The following KIF26B variants were observed in gnomAD, a reference collection of about 807,000 sequenced individuals.
KIF26B encodes kinesin family member 26B.
In KIF26B, 63 loss-of-function variants were observed where a neutral mutation model predicts 151.2. The observed-to-expected ratio is 0.42, with a 90% CI of 0.34 to 0.51. KIF26B has a LOEUF of 0.51. Among genes scored for constraint, KIF26B ranks in the 20% least tolerant of loss-of-function variants. KIF26B has a pLI of 0.07. For synonymous variants in KIF26B, 1,357 were observed against 1,262.1 expected, an observed-to-expected ratio of 1.08 and a Z score of -1.59; for missense variants, 2,813 against 2,913.6, an observed-to-expected ratio of 0.97 and a Z score of 0.79.
intron 3 of KIF26B, among the ~76,000 whole-genome samples, chr1:245,404,049 A>G (rs1199702119): frequency 6.6e-6 from 1 of 152,158 alleles, no homozygotes; most frequent in Non-Finnish European, 1.5e-5. Flanking sequence ...ACACACATGG[A>G]AACACTGCAG....
At chr1:245,450,866 T>G (rs1372159917) in intron 4 of KIF26B, among the ~76,000 whole-genome samples, 1 of 152,146 alleles carries the variant, frequency 6.6e-6, no homozygotes, top group Non-Finnish European at 1.5e-5. Context: ...AGATAGATAT[T>G]TTAAGATGAA....
intron 2 of KIF26B, among the ~76,000 whole-genome samples, chr1:245,257,446 C>T (rs941660116): frequency 6.6e-6 from 1 of 152,138 alleles, no homozygotes; most frequent in Admixed American, 6.5e-5. Flanking sequence ...AGATGATATC[C>T]CCTGCCTCGA....
At chr1:245,428,674 G>A (rs1465797586) in intron 4 of KIF26B, among the ~76,000 whole-genome samples, 1 of 152,156 alleles carries the variant, frequency 6.6e-6, no homozygotes, top group African/African-American at 2.4e-5. Flanking sequence ...ACCAGCGTTT[G>A]CGGCCCCTTC....
At chr1:245,675,497 T>C (rs1453001594) in intron 10 of KIF26B, among the ~76,000 whole-genome samples, 1 of 152,152 alleles carries the variant, frequency 6.6e-6, no homozygotes, top group Non-Finnish European at 1.5e-5. Context: ...GTAGTTTACC[T>C]CCCAGAAGCT....
At chr1:245,199,467 C>T (rs1297194940) in intron 2 of KIF26B, among the ~76,000 whole-genome samples, 2 of 151,434 alleles carry the variant, frequency 1.3e-5, no homozygotes, top group Non-Finnish European at 2.9e-5. Flanking sequence ...CATACCTGTT[C>T]ATATATCCAC....
chr1:245,283,889 T>C (rs10924148), intron 2 of KIF26B, among the ~76,000 whole-genome samples: 90,281 of 152,012 alleles, frequency 0.59, 27,201 homozygotes, highest in East Asian at 0.7. Context: ...GGTTTCACCA[T>C]ATTGGCCAGG....
At chr1:245,288,331 T>C (rs1019005159) in intron 2 of KIF26B, among the ~76,000 whole-genome samples, 18 of 152,056 alleles carry the variant, frequency 1.2e-4, no homozygotes, top group Admixed American at 4.6e-4. Context: ...TTCACACTAA[T>C]CTCCTTAGCA....
chr1:245,215,872 T>C (rs930923078), intron 2 of KIF26B, among the ~76,000 whole-genome samples: 2 of 152,156 alleles, frequency 1.3e-5, no homozygotes, highest in African/African-American at 4.8e-5. Context: ...AGTGGTATAA[T>C]GTTGGCATGA....
At chr1:245,232,223 C>A (rs550452415) in intron 2 of KIF26B, among the ~76,000 whole-genome samples, 42 of 152,218 alleles carry the variant, frequency 2.8e-4, no homozygotes, top group African/African-American at 8.2e-4. Context: ...CAGCTCTAGA[C>A]GCCAAATTTG....
intron 4 of KIF26B, among the ~76,000 whole-genome samples, chr1:245,429,747 G>A (rs1226608563): frequency 6.6e-6 from 1 of 152,130 alleles, no homozygotes; most frequent in Non-Finnish European, 1.5e-5. Flanking sequence ...CCAAGTAGCT[G>A]GGATTACAGG....
chr1:245,695,660 G>T (rs1414852804), intron 12 of KIF26B, among the ~76,000 whole-genome samples: 1 of 152,246 alleles, frequency 6.6e-6, no homozygotes, highest in South Asian at 2.1e-4. Flanking sequence ...TAGATGGCAT[G>T]GAAAGGAGGC....
intron 4 of KIF26B, among the ~76,000 whole-genome samples, chr1:245,445,775 C>T (rs553125782): frequency 6.6e-6 from 1 of 152,276 alleles, no homozygotes; most frequent in East Asian, 1.9e-4. Context: ...AGCCTGGCTC[C>T]CAGCTTGTGG....
chr1:245,285,659 G>A (rs1353705116), intron 2 of KIF26B, among the ~76,000 whole-genome samples: 1 of 138,358 alleles, frequency 7.2e-6, no homozygotes. Flanking sequence ...AAAAAAAAAG[G>A]CCAAGTGTGG....
At chr1:245,233,140 A>G (rs1670031774) in intron 2 of KIF26B, among the ~76,000 whole-genome samples, 1 of 152,206 alleles carries the variant, frequency 6.6e-6, no homozygotes, top group African/African-American at 2.4e-5. Context: ...GTAAATGACA[A>G]ACAATGTATG....
At chr1:245,594,429 C>A (rs1246892444) in intron 5 of KIF26B, among the ~76,000 whole-genome samples, 6 of 152,112 alleles carry the variant, frequency 3.9e-5, no homozygotes, top group African/African-American at 1.4e-4. Flanking sequence ...ATAGGGAATC[C>A]TTTCCCCATT....
Position 245,433,920 on chromosome 1 carries a change from AAG to A in KIF26B, c.1166+14179_1166+14180del, listed in dbSNP as rs947073869. Among the ~76,000 whole-genome samples the A allele has an allele frequency of 6.0e-4, 91 of 152,322 alleles. 1 individual carries two copies. The highest frequency in any genetic ancestry group is 2.0e-3 in the African/African-American group (82 of 41,584). On this transcript the variant is annotated intron_variant, in intron 4 of 14. Transcript: ENST00000407071. Reference sequence around the variant, plus strand: ...GAAAGGGCCTTGGCAGTGACAAAGAAAGAGAAATTCTCTTGGGGGTCTGTAGT... The same window carrying A: ...GAAAGGGCCTTGGCAGTGACAAAGAAAGAAATTCTCTTGGGGGTCTGTAGT...
intron 5 of KIF26B, among the ~76,000 whole-genome samples, chr1:245,570,412 T>C (rs1471289457): frequency 3.3e-5 from 5 of 152,220 alleles, no homozygotes; most frequent in African/African-American, 1.2e-4. Flanking sequence ...CATCTGTCTT[T>C]TTCTCATCAC....
chr1:245,557,345 C>T (rs1376123179), intron 5 of KIF26B, among the ~76,000 whole-genome samples: 1 of 152,218 alleles, frequency 6.6e-6, no homozygotes, highest in Non-Finnish European at 1.5e-5. Context: ...GAATGAAGCC[C>T]TCCTGGCTTT....
At chr1:245,484,763 C>CATA (rs1273792940) in intron 4 of KIF26B, among the ~76,000 whole-genome samples, 6 of 124,662 alleles carry the variant, frequency 4.8e-5, no homozygotes, top group African/African-American at 1.8e-4. Context: ...TCTTCTTCTT[C>CATA]TTCATATTAT....
Sources: allele counts gnomAD v4.1 joint callset (sites outside exome capture counted in the v4.1 genomes callset), GRCh38; gene constraint gnomAD v4.1.1; transcripts MANE v1.5; gene names NCBI Gene and HGNC (gene_info 2026-07-23, HGNC 2026-07-21).